BAZ2A: variants seen among roughly 807,000 people sequenced by gnomAD.
The protein encoded by BAZ2A is bromodomain adjacent to zinc finger domain protein 2A.
In BAZ2A, 34 loss-of-function variants were observed where a neutral mutation model predicts 199.9. That is an observed-to-expected ratio of 0.17 (90% CI 0.13 to 0.23). BAZ2A has a LOEUF of 0.23. BAZ2A is among the 10% of genes least tolerant of loss of function. The probability of loss-of-function intolerance (pLI) is 1.00; values close to 1 mark genes in which losing one functional copy is unlikely to be tolerated. For missense variants in BAZ2A, 2,002 were observed against 2,391.1 expected, an observed-to-expected ratio of 0.84 and a Z score of 3.39; for synonymous variants, 857 against 883.9, an observed-to-expected ratio of 0.97 and a Z score of 0.54.
intron 18 of BAZ2A, 45 bp downstream of exon 18, chr12:56,603,314 G>C: frequency 6.3e-7 from 1 of 1,580,342 alleles, no homozygotes; most frequent in Middle Eastern, 1.7e-4. Context: ...ATCAATTCTT[G>C]CCCAGCCCAT....
In BAZ2A at chr12:56,610,413, A is replaced by T. The variant is rs756856403; in HGVS notation, c.1775T>A (p.Ile592Asn). 6.2e-7 allele frequency: 1 copy of T among 1,613,600 alleles called. No individual in the cohort carries two copies. The highest frequency in any genetic ancestry group is 8.5e-7 in the Non-Finnish European group (1 of 1,179,720). The change falls in exon 8 of 29, where the codon ATC (isoleucine) becomes AAC (asparagine). Residue 592 changes from isoleucine to asparagine, a missense_variant. Transcript: ENST00000549884. Reference protein sequence around the residue: ...GKRMKQFPEVIKYLSRNVVHS... With the variant: ...GKRMKQFPEVNKYLSRNVVHS... ...CTTTAAAAAAAGCTACATTACCTTG[A>T]TCACTTCTGGAAATTGCTTCATCCT...
In BAZ2A at chr12:56,601,795, A is replaced by G. The variant is rs779530020; in HGVS notation, c.3822T>C (p.Thr1274=). The G allele has an allele frequency of 6.2e-7, 1 of 1,613,890 alleles. No homozygotes were observed. The highest frequency in any genetic ancestry group is 8.5e-7 in the Non-Finnish European group (1 of 1,179,850). ...TGCTCAACAGGGAGCTATGGCTCTGAGTCTGGCTCAGCCAAGACAGGAAGG... is the reference window on the plus strand; with the variant it reads ...TGCTCAACAGGGAGCTATGGCTCTGGGTCTGGCTCAGCCAAGACAGGAAGG... ...QSAFLSWLSQ[T]QSHSSLLSSS... is the part of the protein sequence containing the mutation. Residue 1274 remains threonine (T), a synonymous_variant, in exon 20 of 29, where the codon ACT becomes ACC. Coordinates refer to ENST00000549884, the MANE Select transcript of BAZ2A (RefSeq NM_001300905.2).
At chr12:56,629,475 T>G (rs1387280798) in intron 1 of BAZ2A, among the ~76,000 whole-genome samples, 1 of 152,016 alleles carries the variant, frequency 6.6e-6, no homozygotes, top group Non-Finnish European at 1.5e-5. Flanking sequence ...CAGCTCAAAT[T>G]GGAAAGCCTC....
rs1555203718 is a variant in BAZ2A at position 56,595,916 on chromosome 12, C to G, written c.*2702G>C. 3 of 61,350 alleles carry G rather than the reference C, an allele frequency of 4.9e-5. No individual in the cohort carries two copies. The highest frequency in any genetic ancestry group is 1.1e-4 in the Non-Finnish European group (3 of 26,146). 3.8% of individuals were successfully genotyped at this position (61,350 alleles called of 1,614,324 possible). On this transcript the variant is annotated 3_prime_UTR_variant, in exon 29 of 29. Coordinates refer to ENST00000549884, the MANE Select transcript of BAZ2A (RefSeq NM_001300905.2). ...GTGTGTAGAAGGGAAGATGAATACA[C>G]AGAGTCTTTTGAATCTCTATCAAAT...
upstream of BAZ2A, among the ~76,000 whole-genome samples, chr12:56,634,145 C>T (rs565175223): frequency 6.6e-6 from 1 of 152,284 alleles, no homozygotes; most frequent in Admixed American, 6.5e-5. Context: ...GCCCCTATTT[C>T]CTAGGGAGTC....
chr12:56,630,326 T>TGAGCCG, upstream of BAZ2A: 2 of 978,600 alleles, frequency 2.0e-6, no homozygotes, highest in Non-Finnish European at 2.4e-6. Flanking sequence ...GGGGGAGGAG[T>TGAGCCG]GAGTCGGAGC....
intron 10 of BAZ2A, among the ~76,000 whole-genome samples, chr12:56,608,348 G>A (rs1950433327): frequency 6.6e-6 from 1 of 151,582 alleles, no homozygotes; most frequent in Admixed American, 6.6e-5. Flanking sequence ...CTCCATCCTG[G>A]GTGACAGAGT....
chr12:56,600,261 A>G lies in BAZ2A; in HGVS notation c.4832T>C (p.Val1611Ala). The change falls in exon 24 of 29, where the codon GTG (valine) becomes GCG (alanine). Residue 1611 changes from valine to alanine, a missense_variant. Coordinates refer to ENST00000549884, the MANE Select transcript of BAZ2A (RefSeq NM_001300905.2). ...TGTGCTAAGCAGGGCCTTCTCCAGC[A>G]CAACCTCATGAGTTGGCCAGAGGGG... ...REPLWPTHEV[V>A]LEKALLSTPN... is the part of the protein sequence containing the mutation. The G allele has an allele frequency of 6.2e-7, 1 of 1,613,974 alleles. No individual in the cohort carries two copies. Among genetic ancestry groups the G allele is most frequent in the Non-Finnish European group, 8.5e-7 (1 of 1,179,874 alleles).
At chr12:56,603,261 C>T in intron 18 of BAZ2A, 98 bp downstream of exon 18, 1 of 1,374,256 alleles carries the variant, frequency 7.3e-7, no homozygotes, top group East Asian at 2.5e-5. Context: ...GAAACCCCAT[C>T]TCAAAAGAAT....
intron 11 of BAZ2A, 64 bp downstream of exon 11, chr12:56,606,569 A>G: frequency 1.3e-6 from 2 of 1,483,202 alleles, no homozygotes; most frequent in African/African-American, 2.8e-5. Flanking sequence ...GGAAATGAAA[A>G]TAAAAGATGA....
chr12:56,633,698 G>A (rs1459252093), upstream of BAZ2A, among the ~76,000 whole-genome samples: 2 of 151,056 alleles, frequency 1.3e-5, no homozygotes, highest in Non-Finnish European at 2.9e-5. Context: ...CACATCACAA[G>A]GAAAACACCC....
Position 56,599,678 on chromosome 12 carries a change from GGAAA to G in BAZ2A, c.5172+20_5172+23del, listed in dbSNP as rs779039909. On this transcript the variant is annotated intron_variant, in intron 26 of 28. Coordinates refer to ENST00000549884, the MANE Select transcript of BAZ2A (RefSeq NM_001300905.2). The stretch of plus-strand genomic sequence containing the variant: ...AATCTCTGATTTCTGTTTGAGTGTG[GGAAA>G]GAAAGAGCAGAAGCCTTACCTGAGC... 29 of 1,612,178 alleles carry G rather than the reference GGAAA, an allele frequency of 1.8e-5. No homozygotes were observed. The highest frequency in any genetic ancestry group is 1.9e-5 in the Non-Finnish European group (23 of 1,179,664).
chr12:56,614,792 A>G (rs1451313328), intron 3 of BAZ2A: 1 of 591,488 alleles, frequency 1.7e-6, no homozygotes, highest in Non-Finnish European at 3.0e-6. Context: ...CCAGGCCAGA[A>G]GCTCTGCATG....
upstream of BAZ2A, among the ~76,000 whole-genome samples, chr12:56,633,968 A>C (rs1951381403): frequency 6.6e-6 from 1 of 152,078 alleles, no homozygotes; most frequent in Admixed American, 6.5e-5. Context: ...CCTGACCTCA[A>C]GTGATCTGCC....
intron 15 of BAZ2A, 143 bp downstream of exon 15, chr12:56,604,442 C>A (rs982066791): frequency 1.9e-5 from 25 of 1,310,122 alleles, no homozygotes; most frequent in Non-Finnish European, 2.5e-5. Context: ...AGGGAGGGCA[C>A]TGCAATTCAG....
intron 10 of BAZ2A, among the ~76,000 whole-genome samples, chr12:56,608,880 T>C (rs963565084): frequency 7.8e-5 from 11 of 141,026 alleles, no homozygotes; most frequent in Non-Finnish European, 1.5e-4. Context: ...TTTTTTTTTT[T>C]TTTTTTTTTT....
intron 4 of BAZ2A, 143 bp downstream of exon 4, chr12:56,613,810 A>G: frequency 1.3e-6 from 1 of 769,370 alleles, no homozygotes; most frequent in Admixed American, 3.0e-5. Flanking sequence ...GTCCTGTGGC[A>G]TGTAACTGTG....
chr12:56,636,142 C>T, intron 1 of BAZ2A: 1 of 1,567,116 alleles, frequency 6.4e-7, no homozygotes, highest in Non-Finnish European at 8.7e-7. Context: ...AGGGAGTAGG[C>T]ATCCCTCAGG....
intron 1 of BAZ2A, chr12:56,620,945 A>T: frequency 4.1e-6 from 2 of 484,754 alleles, no homozygotes; most frequent in Non-Finnish European, 5.4e-6. Context: ...AATCCTTCTT[A>T]AGTGCAAGAA....
Sources: gnomAD v4.1 joint callset for allele counts (sites outside exome capture counted in the v4.1 genomes callset) on GRCh38, gnomAD v4.1.1 for gene constraint, MANE v1.5 for transcripts, NCBI Gene and HGNC (gene_info 2026-07-23, HGNC 2026-07-21) for gene names.